DYNC1I1: variants seen among roughly 807,000 people sequenced by gnomAD.
DYNC1I1 encodes the protein cytoplasmic dynein 1 intermediate chain 1.
A neutral mutation model predicts 86.6 loss-of-function variants in DYNC1I1; 43 were observed. The ratio of observed to expected loss-of-function variants is 0.50; its 90% confidence interval spans 0.39 to 0.64. DYNC1I1 has a LOEUF of 0.64. DYNC1I1 is among the 30% of genes least tolerant of loss of function. DYNC1I1 has a pLI of 0.00. For missense variants in DYNC1I1, 604 were observed against 788.8 expected (o/e 0.77, Z 2.81); for synonymous variants, 262 against 283.7 (o/e 0.92, Z 0.77).
intron 4 of DYNC1I1, among the ~76,000 whole-genome samples, chr7:95,824,936 C>T (rs975614433): frequency 2.6e-5 from 4 of 152,198 alleles, no homozygotes; most frequent in African/African-American, 9.7e-5. Context: ...GCTTTAAGTT[C>T]CTTTCAAAAA....
chr7:95,848,752 G>C (rs1789501655), intron 5 of DYNC1I1, among the ~76,000 whole-genome samples: 1 of 152,004 alleles, frequency 6.6e-6, no homozygotes, highest in Non-Finnish European at 1.5e-5. Flanking sequence ...CTAGTAGTGG[G>C]ATTGCTGGAT....
At chr7:96,066,493 C>T (rs13227274) in intron 14 of DYNC1I1, among the ~76,000 whole-genome samples, 10,131 of 152,300 alleles carry the variant, frequency 0.067, 436 homozygotes, top group Non-Finnish European at 0.11. Flanking sequence ...GTAAATTCCT[C>T]CCAGAGTTTT....
chr7:95,883,823 A>G (rs564487084), intron 6 of DYNC1I1, among the ~76,000 whole-genome samples: 6 of 152,348 alleles, frequency 3.9e-5, no homozygotes, highest in African/African-American at 9.6e-5. Flanking sequence ...CCTTTGGTCA[A>G]CTAGTTTTAA....
intron 2 of DYNC1I1, among the ~76,000 whole-genome samples, chr7:95,808,074 C>T (rs2115815197): frequency 6.6e-6 from 1 of 152,234 alleles, no homozygotes; most frequent in South Asian, 2.1e-4. Flanking sequence ...TTCCAAGCAT[C>T]TGGTGTTCTA....
chr7:96,065,677 C>T lies in DYNC1I1; in HGVS notation c.1510-10380C>T, dbSNP rs563839739. On this transcript the variant is annotated intron_variant, in intron 14 of 16. Transcript: ENST00000447467. ...CGCTGAGATTACAGGCGTGAGCCAC[C>T]GCGCCGAGCATCCCGGCTCTTTCCT... Among the ~76,000 whole-genome samples the T allele has an allele frequency of 1.7e-4, 26 of 152,248 alleles. No individual in the cohort carries two copies. In the East Asian group the frequency reaches 2.5e-3, roughly 15 times the overall value.
intron 13 of DYNC1I1, among the ~76,000 whole-genome samples, 185 bp downstream of exon 13, chr7:96,035,937 G>C (rs1447971932): frequency 2.6e-5 from 4 of 152,040 alleles, no homozygotes; most frequent in African/African-American, 7.2e-5. Flanking sequence ...ATAAGACTGT[G>C]GTGGTTCACA....
At chr7:96,059,623 CAG>C (rs1308936157) in intron 14 of DYNC1I1, among the ~76,000 whole-genome samples, 5 of 151,908 alleles carry the variant, frequency 3.3e-5, no homozygotes, top group East Asian at 3.9e-4. Flanking sequence ...AAAAATGAAA[CAG>C]ATCTGGAGAG....
chr7:95,940,590 C>G (rs1043297530), intron 6 of DYNC1I1, among the ~76,000 whole-genome samples: 109 of 152,196 alleles, frequency 7.2e-4, no homozygotes, highest in Non-Finnish European at 1.2e-3. Flanking sequence ...TTGATCGCAT[C>G]AGCTCCTGAG....
chr7:95,803,452 C>T (rs1386884424), intron 1 of DYNC1I1, among the ~76,000 whole-genome samples: 2 of 152,206 alleles, frequency 1.3e-5, no homozygotes, highest in African/African-American at 4.8e-5. Context: ...TGCAATCATT[C>T]TGATTATTTC....
At chr7:95,780,234 T>G (rs1321149337) in intron 1 of DYNC1I1, among the ~76,000 whole-genome samples, 2 of 152,090 alleles carry the variant, frequency 1.3e-5, no homozygotes, top group African/African-American at 4.8e-5. Context: ...CACAATGTTA[T>G]ACATCCTTTG....
intron 14 of DYNC1I1, among the ~76,000 whole-genome samples, chr7:96,063,309 G>C (rs989160221): frequency 6.6e-6 from 1 of 152,022 alleles, no homozygotes; most frequent in Admixed American, 6.6e-5. Context: ...AATTACATAA[G>C]TGCAGAATTG....
At chr7:96,032,558 A>AG in intron 11 of DYNC1I1, 109 bp from the exon 12 acceptor site, 1 of 814,540 alleles carries the variant, frequency 1.2e-6, no homozygotes, top group Non-Finnish European at 1.9e-6. Context: ...GTATTATAGT[A>AG]GGATTATGTT....
intron 4 of DYNC1I1, among the ~76,000 whole-genome samples, chr7:95,819,515 A>G (rs531261805): frequency 2.6e-5 from 4 of 152,248 alleles, no homozygotes; most frequent in East Asian, 1.9e-4. Context: ...TTTGGGTGAA[A>G]GCATCATCAT....
chr7:96,102,824 A>G (rs906228478), downstream of DYNC1I1, among the ~76,000 whole-genome samples: 5 of 152,212 alleles, frequency 3.3e-5, no homozygotes, highest in African/African-American at 1.2e-4. Context: ...AGGCCGTGCC[A>G]TCTGAAGCAA....
At chr7:95,829,425 T>C (rs550488919) in intron 5 of DYNC1I1, among the ~76,000 whole-genome samples, 1 of 152,320 alleles carries the variant, frequency 6.6e-6, no homozygotes, top group South Asian at 2.1e-4. Context: ...TTTCAATTTG[T>C]ATTATTTAAA....
intron 4 of DYNC1I1, among the ~76,000 whole-genome samples, chr7:95,823,951 A>AATATATATATATATATAT (rs1795138045): frequency 2.6e-5 from 1 of 38,478 alleles, no homozygotes. Context: ...GTTCTACTAA[A>AATATATATATATATATAT]CTATATATAT....
At chr7:95,851,162 T>C (rs1789568069) in intron 5 of DYNC1I1, among the ~76,000 whole-genome samples, 1 of 151,908 alleles carries the variant, frequency 6.6e-6, no homozygotes, top group Admixed American at 6.6e-5. Context: ...CTCAAACCCC[T>C]GGCCTCAAGC....
chr7:96,058,120 A>T (rs747125334), intron 14 of DYNC1I1, among the ~76,000 whole-genome samples: 3 of 152,236 alleles, frequency 2.0e-5, no homozygotes, highest in Non-Finnish European at 2.9e-5. Context: ...CAAGAATAAC[A>T]GCACAAATAT....
At chr7:95,928,265 C>T (rs985154264) in intron 6 of DYNC1I1, among the ~76,000 whole-genome samples, 4 of 152,224 alleles carry the variant, frequency 2.6e-5, no homozygotes, top group Admixed American at 2.6e-4. Flanking sequence ...GCCAAGTCCT[C>T]ATTTCTGGTG....
Sources: gnomAD v4.1 joint callset for allele counts (sites outside exome capture counted in the v4.1 genomes callset) on GRCh38, gnomAD v4.1.1 for gene constraint, MANE v1.5 for transcripts, NCBI Gene and HGNC (gene_info 2026-07-23, HGNC 2026-07-21) for gene names.